The following MMP26 variants were observed in gnomAD, a reference collection of about 807,000 sequenced individuals.
MMP26 encodes the protein matrix metalloproteinase-26.
In MMP26, 33 loss-of-function variants were observed where a neutral mutation model predicts 31.0. The observed-to-expected ratio is 1.06, with a 90% CI of 0.81 to 1.42. The LOEUF (loss-of-function observed/expected upper bound fraction) is 1.42, where lower values mean the gene tolerates loss of function less well. Among genes scored for constraint, MMP26 ranks in the 40% most tolerant of loss-of-function variants. MMP26 has a pLI of 0.00. For missense variants in MMP26, 347 were observed against 316.1 expected, an observed-to-expected ratio of 1.10 and a Z score of -0.74; for synonymous variants, 122 against 114.9, an observed-to-expected ratio of 1.06 and a Z score of -0.40.
At chr11:4,789,381 C>A (rs1456777579) in intron 2 of MMP26, among the ~76,000 whole-genome samples, 1 of 151,782 alleles carries the variant, frequency 6.6e-6, no homozygotes. Flanking sequence ...TTACTATATT[C>A]TTTAACTAGG....
At chr11:4,970,762 G>A (rs1446072699) in intron 2 of MMP26, among the ~76,000 whole-genome samples, 6 of 152,138 alleles carry the variant, frequency 3.9e-5, no homozygotes, top group African/African-American at 1.4e-4. Flanking sequence ...TATGGCAGTG[G>A]CAGACCCAGG....
intron 1 of MMP26, among the ~76,000 whole-genome samples, chr11:4,730,079 C>T (rs759593334): frequency 6.6e-6 from 1 of 152,078 alleles, no homozygotes; most frequent in Non-Finnish European, 1.5e-5. Context: ...TTTTCTTTAG[C>T]TTTCACTTTG....
chr11:4,908,028 T>C lies in MMP26; in HGVS notation c.-144-80040T>C, dbSNP rs372063476. On this transcript the variant is annotated intron_variant, in intron 2 of 7. Transcript: ENST00000380390. Reference sequence around the variant, plus strand: ...CTGATTGTTTTGTCTTATGTGCTGATCTTGAAGACTATACTCAGCATTGCA... The same window carrying C: ...CTGATTGTTTTGTCTTATGTGCTGACCTTGAAGACTATACTCAGCATTGCA... The C allele has an allele frequency of 6.8e-6, 11 of 1,614,072 alleles. No individual in the cohort carries two copies. In the African/African-American group the frequency reaches 9.3e-5, roughly 14 times the overall value.
chr11:4,841,466 A>T (rs1849795028), intron 2 of MMP26, among the ~76,000 whole-genome samples: 1 of 152,228 alleles, frequency 6.6e-6, no homozygotes, highest in Non-Finnish European at 1.5e-5. Flanking sequence ...TTTTCACTTG[A>T]AACTTACAGG....
chr11:4,913,668 A>T (rs1024033730), intron 2 of MMP26: 1 of 152,162 alleles, frequency 6.6e-6, no homozygotes, highest in Non-Finnish European at 1.5e-5. Flanking sequence ...ATCTGTTTCC[A>T]CTTCACCTCA....
At chr11:4,765,901 GCAGCA>G (rs990585044) in intron 1 of MMP26, among the ~76,000 whole-genome samples, 3 of 152,098 alleles carry the variant, frequency 2.0e-5, no homozygotes, top group Admixed American at 1.3e-4. Context: ...ATCTACTAGG[GCAGCA>G]CAATCATTTT....
rs1025262422 is a variant in MMP26 at position 4,934,775 on chromosome 11, G to C, written c.-144-53293G>C. On this transcript the variant is annotated intron_variant, in intron 2 of 7. Coordinates refer to ENST00000380390, the MANE Select transcript of MMP26 (RefSeq NM_021801.5). ...GTATAAGGTGTATGGAAGGGATCCA[G>C]TTTGAGCTTTCTACATATGGCTAGC... is the stretch of plus-strand genomic sequence containing the variant. Among the ~76,000 whole-genome samples the C allele has an allele frequency of 4.7e-4, 70 of 149,930 alleles. 2 individuals are homozygous for C. The highest frequency in any genetic ancestry group is 1.6e-3 in the African/African-American group (67 of 40,886).
At chr11:4,838,315 TAAAAAAAAAAAAAAAAAAAAAAAAAA>T (rs540572047) in intron 2 of MMP26, among the ~76,000 whole-genome samples, 24 of 27,418 alleles carry the variant, frequency 8.8e-4, no homozygotes, top group Non-Finnish European at 2.1e-3. Context: ...AGACTCTGTC[TAAAAAAAAAAAAAAAAAAAAAAAAAA>T]AAAAAAAAAA....
chr11:4,930,859 A>G (rs886393325), intron 2 of MMP26, among the ~76,000 whole-genome samples: 2 of 151,904 alleles, frequency 1.3e-5, no homozygotes, highest in African/African-American at 2.4e-5. Context: ...TATAAATAAT[A>G]TTTACATACA....
rs1392982297 is a variant in MMP26, at chr11:4,767,042, C to T, written c.-216-228C>T. Among the ~76,000 whole-genome samples the T allele has an allele frequency of 2.6e-5, 4 of 151,986 alleles. No homozygotes were observed. In the South Asian group the frequency reaches 8.3e-4, roughly 32 times the overall value. On this transcript the variant is annotated intron_variant, in intron 1 of 7. Coordinates refer to ENST00000380390, the MANE Select transcript of MMP26 (RefSeq NM_021801.5). ...TGTAAACTAAATCGATAAACAAATT[C>T]ATTTACATAATGGCATTGTTTTATC...
intron 1 of MMP26, among the ~76,000 whole-genome samples, chr11:4,725,535 A>G (rs943274905): frequency 1.3e-5 from 2 of 152,184 alleles, no homozygotes; most frequent in African/African-American, 2.4e-5. Flanking sequence ...TCTTTCTCTG[A>G]TGTCAGAAAA....
intron 2 of MMP26, among the ~76,000 whole-genome samples, chr11:4,791,956 A>C (rs1222523300): frequency 1.3e-5 from 2 of 151,990 alleles, no homozygotes; most frequent in East Asian, 1.9e-4. Context: ...TTAGAAAAGC[A>C]TAATGTAGTA....
intron 2 of MMP26, chr11:4,882,465 A>C (rs1401903256): frequency 1.2e-6 from 2 of 1,613,714 alleles, no homozygotes; most frequent in Non-Finnish European, 1.7e-6. Flanking sequence ...GTGATCAAAT[A>C]CACATATTCC....
rs1198159782 is a variant in MMP26 at position 4,716,819 on chromosome 11, G to A, written c.-217+11774G>A. Among the ~76,000 whole-genome samples the A allele has an allele frequency of 1.3e-5, 2 of 151,724 alleles. 1 individual carries two copies. The highest frequency in any genetic ancestry group is 1.3e-4 in the Admixed American group (2 of 15,228). ...TGGGATTACACGTGTGTGCCAACAT[G>A]CCTGGCTAATGTTTTGTATTTTTAG... On this transcript the variant is annotated intron_variant, in intron 1 of 7. Coordinates refer to ENST00000380390, the MANE Select transcript of MMP26 (RefSeq NM_021801.5).
chr11:4,709,871 C>T (rs146279711), intron 1 of MMP26: 1 of 456,990 alleles, frequency 2.2e-6, no homozygotes, highest in South Asian at 1.5e-5. Context: ...CCTGCATTGG[C>T]CAAATGTTCT....
intron 2 of MMP26, among the ~76,000 whole-genome samples, chr11:4,963,136 T>C (rs2133622981): frequency 1.3e-5 from 2 of 152,218 alleles, no homozygotes; most frequent in Middle Eastern, 6.8e-3. Flanking sequence ...CATTAACAAC[T>C]GCTACGAAGA....
chr11:4,811,742 T>A (rs948323963), intron 2 of MMP26, among the ~76,000 whole-genome samples: 5 of 152,140 alleles, frequency 3.3e-5, no homozygotes, highest in Non-Finnish European at 7.4e-5. Flanking sequence ...CATTTCTGAC[T>A]CTTCCACAGT....
intron 2 of MMP26, among the ~76,000 whole-genome samples, chr11:4,912,123 A>G (rs1476442954): frequency 6.6e-6 from 1 of 152,204 alleles, no homozygotes; most frequent in Non-Finnish European, 1.5e-5. Context: ...GAATTAAAGT[A>G]ACTAAAGTTT....
intron 1 of MMP26, among the ~76,000 whole-genome samples, chr11:4,733,526 C>A (rs1848200339): frequency 6.6e-6 from 1 of 151,898 alleles, no homozygotes; most frequent in South Asian, 2.1e-4. Context: ...ATCTCTTGTT[C>A]TGCAACTTGT....
Sources: allele counts gnomAD v4.1 joint callset (sites outside exome capture counted in the v4.1 genomes callset), GRCh38; gene constraint gnomAD v4.1.1; transcripts MANE v1.5; gene names NCBI Gene and HGNC (gene_info 2026-07-23, HGNC 2026-07-21).